The following GRIP1 variants were observed in gnomAD, a reference collection of about 807,000 sequenced individuals.
GRIP1 encodes the protein glutamate receptor-interacting protein 1.
GRIP1 carries 45 observed loss-of-function variants against 129.9 expected under a neutral mutation model. The observed-to-expected ratio is 0.35, with a 90% CI of 0.27 to 0.44. The LOEUF (loss-of-function observed/expected upper bound fraction) is 0.44, where lower values mean the gene tolerates loss of function less well. Ranked by LOEUF, GRIP1 falls within the 20% of genes least tolerant of loss-of-function variation. The pLI is 1.00. For missense variants in GRIP1, 1,196 were observed against 1,396.8 expected, an observed-to-expected ratio of 0.86 and a Z score of 2.29; for synonymous variants, 530 against 520.8, an observed-to-expected ratio of 1.02 and a Z score of -0.24.
At chr12:66,624,207 G>T (rs2065389711) in intron 1 of GRIP1, among the ~76,000 whole-genome samples, 1 of 152,066 alleles carries the variant, frequency 6.6e-6, no homozygotes, top group Non-Finnish European at 1.5e-5. Flanking sequence ...TATTTCAATT[G>T]GTTCCTCTGT....
chr12:66,549,041 A>G (rs1384578913), intron 2 of GRIP1, among the ~76,000 whole-genome samples: 1 of 152,216 alleles, frequency 6.6e-6, no homozygotes, highest in African/African-American at 2.4e-5. Flanking sequence ...TTTTAAAAAT[A>G]CTATTAACAG....
chr12:66,399,055 T>C (rs547339917), intron 16 of GRIP1, among the ~76,000 whole-genome samples: 9 of 152,088 alleles, frequency 5.9e-5, no homozygotes, highest in African/African-American at 2.2e-4. Flanking sequence ...GGCTGAGATC[T>C]CCAGAAGAGT....
At chr12:66,404,544 C>T (rs957443317) in intron 16 of GRIP1, among the ~76,000 whole-genome samples, 1 of 152,112 alleles carries the variant, frequency 6.6e-6, no homozygotes, top group African/African-American at 2.4e-5. Context: ...GGCTTCTGCT[C>T]CTGCTCCTGC....
At position 66,455,398 on chromosome 12, in the gene GRIP1, A is replaced by C. The variant is rs1165971503; in HGVS notation, c.1354+11T>G. The C allele has an allele frequency of 1.2e-6, 2 of 1,613,768 alleles. No homozygotes were observed. The highest frequency in any genetic ancestry group is 2.2e-5 in the East Asian group (1 of 44,878). On this transcript the variant is annotated intron_variant, in intron 11 of 24. Coordinates refer to ENST00000359742, the MANE Select transcript of GRIP1 (RefSeq NM_001366722.1). Reference sequence around the variant, plus strand: ...TCCAGGCCAAATGCCATTGGCTGTCATTTCACTTACATGAGCTTTTGAAGT... The same window carrying C: ...TCCAGGCCAAATGCCATTGGCTGTCCTTTCACTTACATGAGCTTTTGAAGT...
At chr12:66,794,942 A>G (rs1257789798) in intron 1 of GRIP1, among the ~76,000 whole-genome samples, 2 of 152,188 alleles carry the variant, frequency 1.3e-5, no homozygotes, top group Non-Finnish European at 2.9e-5. Flanking sequence ...CAATAATGAA[A>G]GACCACTGTA....
chr12:67,001,493 T>A, intron 1 of GRIP1, among the ~76,000 whole-genome samples: 2 of 152,308 alleles, frequency 1.3e-5, no homozygotes, highest in South Asian at 2.1e-4. Flanking sequence ...GTCCCAGACA[T>A]GCATTATTTG....
chr12:66,891,988 A>G (rs1262101), intron 1 of GRIP1: 72,056 of 152,102 alleles, frequency 0.47, 18,383 homozygotes, highest in Middle Eastern at 0.67. Context: ...CAGCTTAGAT[A>G]GTAAAAATCA....
chr12:66,787,351 C>G (rs2038382077), intron 1 of GRIP1, among the ~76,000 whole-genome samples: 1 of 146,866 alleles, frequency 6.8e-6, no homozygotes. Context: ...CAATATTTAG[C>G]AAAAATTCTT....
chr12:66,422,068 A>G (rs541644078), intron 14 of GRIP1, among the ~76,000 whole-genome samples: 1 of 152,176 alleles, frequency 6.6e-6, no homozygotes, highest in Non-Finnish European at 1.5e-5. Context: ...CAGGCCCCTA[A>G]AGTAAGATTT....
At position 66,776,596 on chromosome 12, in the gene GRIP1, A is replaced by G. The variant is rs185904114; in HGVS notation, c.-420+27457T>C. 8.5e-5 allele frequency among the ~76,000 whole-genome samples: 13 copies of G among 152,356 alleles called. No homozygotes were observed. The East Asian group carries it at 2.5e-3, about 29-fold the overall frequency. On this transcript the variant is annotated intron_variant, in intron 1 of 4. Coordinates refer to the GRIP1 transcript ENST00000538373. ...AGAAGCTTATAATAAAGAGTGGAAC[A>G]CAAGGACATGCACAAGTAAATACAG...
chr12:66,717,994 A>G (rs766955988), intron 1 of GRIP1, among the ~76,000 whole-genome samples: 1 of 152,084 alleles, frequency 6.6e-6, no homozygotes, highest in Non-Finnish European at 1.5e-5. Context: ...ACAATGATCA[A>G]ATCAGTGCTG....
intron 1 of GRIP1, among the ~76,000 whole-genome samples, chr12:66,757,289 T>C (rs2037324282): frequency 6.6e-6 from 1 of 152,158 alleles, no homozygotes; most frequent in Non-Finnish European, 1.5e-5. Context: ...GTGAGTTGGA[T>C]TGTTTTCATT....
upstream of GRIP1, among the ~76,000 whole-genome samples, chr12:66,679,528 T>C (rs948940502): frequency 7.3e-5 from 11 of 150,748 alleles, no homozygotes; most frequent in African/African-American, 2.7e-4. Context: ...GTTCTGCCTA[T>C]AGCGGGGAAG....
intron 7 of GRIP1, among the ~76,000 whole-genome samples, chr12:66,487,630 A>G (rs2059990557): frequency 6.6e-6 from 1 of 152,212 alleles, no homozygotes; most frequent in Admixed American, 6.5e-5. Flanking sequence ...ATTAACACAT[A>G]AGAATACAAA....
intron 1 of GRIP1, among the ~76,000 whole-genome samples, chr12:66,702,320 TTCTA>T (rs2035377337): frequency 6.6e-6 from 1 of 152,188 alleles, no homozygotes; most frequent in Admixed American, 6.5e-5. Flanking sequence ...GCAATGATAT[TTCTA>T]TCTAATAGTG....
intron 2 of GRIP1, among the ~76,000 whole-genome samples, chr12:66,559,450 A>G (rs974220274): frequency 1.1e-4 from 17 of 152,170 alleles, no homozygotes; most frequent in African/African-American, 4.1e-4. Flanking sequence ...GACTCCACCA[A>G]AAACCTATTA....
chr12:66,605,219 T>G (rs2064466156), intron 1 of GRIP1, among the ~76,000 whole-genome samples: 5 of 152,154 alleles, frequency 3.3e-5, no homozygotes, highest in Admixed American at 3.3e-4. Context: ...AATGATTAGT[T>G]TCAAAACTGA....
rs184489204 is a variant in GRIP1, at chr12:66,913,193, C to T, written c.58+155857G>A. Among the ~76,000 whole-genome samples, 6 of 152,244 alleles carry T rather than the reference C, an allele frequency of 3.9e-5. No individual in the cohort carries two copies. In the East Asian group the frequency reaches 9.7e-4, roughly 24 times the overall value. On this transcript the variant is annotated intron_variant, in intron 1 of 1. Transcript: ENST00000643019. ...ACCATAACAAATAATACTCTTTATC[C>T]ATGTATTTCTTTACTCCAAAACTTC...
intron 1 of GRIP1, among the ~76,000 whole-genome samples, chr12:66,865,772 C>A (rs1411726210): frequency 6.6e-6 from 1 of 152,100 alleles, no homozygotes; most frequent in African/African-American, 2.4e-5. Flanking sequence ...TAAAGCAAAA[C>A]ATACAAATGC....
Sources: allele counts gnomAD v4.1 joint callset (sites outside exome capture counted in the v4.1 genomes callset), GRCh38; gene constraint gnomAD v4.1.1; transcripts MANE v1.5; gene names NCBI Gene and HGNC (gene_info 2026-07-23, HGNC 2026-07-21).